The following SUCLG2 variants were observed in gnomAD, a reference collection of about 807,000 sequenced individuals.
The protein encoded by SUCLG2 is succinate-CoA ligase GDP-forming subunit beta, also known as succinate--CoA ligase [GDP-forming] subunit beta, mitochondrial.
SUCLG2 carries 42 observed loss-of-function variants against 47.9 expected under a neutral mutation model. The observed-to-expected ratio is 0.88, with a 90% confidence interval of 0.69 to 1.14. The LOEUF is 1.14. Among genes scored for constraint, SUCLG2 ranks in the 50% most tolerant of loss-of-function variants. SUCLG2 has a pLI of 0.00. For synonymous variants in SUCLG2, 195 were observed against 197.3 expected (o/e 0.99, Z 0.10); for missense variants, 571 against 525.9 (o/e 1.09, Z -0.84).
chr3:67,555,968 T>C (rs373924358), intron 2 of SUCLG2, among the ~76,000 whole-genome samples: 1 of 152,332 alleles, frequency 6.6e-6, no homozygotes, highest in Admixed American at 6.5e-5. Flanking sequence ...ATGGGACATA[T>C]ATAAACACTT....
At chr3:67,643,600 T>A (rs1369350837) in intron 1 of SUCLG2, among the ~76,000 whole-genome samples, 1 of 152,200 alleles carries the variant, frequency 6.6e-6, no homozygotes. Flanking sequence ...AGTGAGGACT[T>A]ACAGTATCCC....
chr3:67,431,507 G>C (rs1488191725), intron 9 of SUCLG2, among the ~76,000 whole-genome samples: 2 of 152,106 alleles, frequency 1.3e-5, no homozygotes, highest in African/African-American at 4.8e-5. Flanking sequence ...ATCAATGATA[G>C]ACTGGATTAA....
intron 1 of SUCLG2, among the ~76,000 whole-genome samples, chr3:67,634,719 G>T (rs73092614): frequency 6.6e-6 from 1 of 152,026 alleles, no homozygotes; most frequent in African/African-American, 2.4e-5. Context: ...TCTTTTCCCT[G>T]CCAAGTTCAT....
rs559649554 is a variant in SUCLG2 at position 67,563,878 on chromosome 3, G to A, written c.227-34692C>T. ...CAGGAGGCTGAGGCAGGAGAATGGC[G>A]TGAACCCGAGAGGCGAGCTTGCAGT... On this transcript the variant is annotated intron_variant, in intron 2 of 10. Coordinates refer to ENST00000307227, the MANE Select transcript of SUCLG2 (RefSeq NM_003848.4). 1.5e-3 allele frequency among the ~76,000 whole-genome samples: 223 copies of A among 150,710 alleles called. 1 individual carries two copies. The highest frequency in any genetic ancestry group is 5.1e-3 in the African/African-American group (207 of 40,964).
chr3:67,501,996 T>C (rs970781882), intron 7 of SUCLG2, among the ~76,000 whole-genome samples: 16 of 152,220 alleles, frequency 1.1e-4, no homozygotes, highest in Non-Finnish European at 1.9e-4. Context: ...TAGTAAATGA[T>C]GGGGCACAAG....
intron 2 of SUCLG2, among the ~76,000 whole-genome samples, chr3:67,571,120 AT>A (rs934914880): frequency 6.6e-6 from 1 of 152,174 alleles, no homozygotes; most frequent in Non-Finnish European, 1.5e-5. Context: ...ACAGGATGTA[AT>A]CCTAATTTAC....
intron 2 of SUCLG2, among the ~76,000 whole-genome samples, chr3:67,572,721 G>C (rs986503928): frequency 6.6e-6 from 1 of 152,078 alleles, no homozygotes; most frequent in African/African-American, 2.4e-5. Context: ...TACTTACTGG[G>C]AGAGAATTAA....
intron 10 of SUCLG2, among the ~76,000 whole-genome samples, chr3:67,368,508 CTTTAA>C (rs779515840): frequency 2.6e-5 from 4 of 151,994 alleles, no homozygotes; most frequent in Non-Finnish European, 5.9e-5. Context: ...CTCCTAGTTC[CTTTAA>C]TTTCTTTATT....
At chr3:67,493,991 G>A (rs1705267963) in intron 9 of SUCLG2, among the ~76,000 whole-genome samples, 1 of 152,148 alleles carries the variant, frequency 6.6e-6, no homozygotes, top group Non-Finnish European at 1.5e-5. Context: ...CGGCACTGGA[G>A]AACTGAAGAT....
intron 10 of SUCLG2, among the ~76,000 whole-genome samples, chr3:67,387,250 G>T (rs111896232): frequency 7.9e-5 from 12 of 152,030 alleles, no homozygotes; most frequent in African/African-American, 2.7e-4. Flanking sequence ...AAGCTACAAT[G>T]AAAAAAAATT....
chr3:67,397,592 G>C (rs1298954282), intron 10 of SUCLG2, among the ~76,000 whole-genome samples: 6 of 152,096 alleles, frequency 3.9e-5, no homozygotes. Flanking sequence ...TGGCCATACT[G>C]CCCAAGGTAA....
intron 1 of SUCLG2, among the ~76,000 whole-genome samples, chr3:67,652,242 C>A (rs1701299609): frequency 6.6e-6 from 1 of 151,216 alleles, no homozygotes. Context: ...AGGAGGTAGA[C>A]AAAATGTCAT....
At chr3:67,486,619 T>A (rs926959163) in intron 9 of SUCLG2, among the ~76,000 whole-genome samples, 1 of 152,210 alleles carries the variant, frequency 6.6e-6, no homozygotes, top group Admixed American at 6.5e-5. Context: ...TATTAACTCA[T>A]GCCGAATGAA....
intron 1 of SUCLG2, among the ~76,000 whole-genome samples, chr3:67,619,256 T>C (rs757453604): frequency 6.6e-6 from 1 of 152,178 alleles, no homozygotes; most frequent in Non-Finnish European, 1.5e-5. Flanking sequence ...TTGGAAAGCA[T>C]TACCTCGTGA....
At chr3:67,590,492 C>T (rs1224280574) in intron 2 of SUCLG2, among the ~76,000 whole-genome samples, 2 of 152,112 alleles carry the variant, frequency 1.3e-5, no homozygotes, top group African/African-American at 2.4e-5. Flanking sequence ...TCCTTGCAGA[C>T]GTGAGTGAGT....
chr3:67,493,549 T>A (rs1705255889), intron 9 of SUCLG2, among the ~76,000 whole-genome samples: 1 of 152,146 alleles, frequency 6.6e-6, no homozygotes, highest in South Asian at 2.1e-4. Context: ...TTTACAAAAT[T>A]AAAATTTGAG....
chr3:67,479,364 C>T (rs1704850084), intron 9 of SUCLG2, among the ~76,000 whole-genome samples: 1 of 151,864 alleles, frequency 6.6e-6, no homozygotes, highest in South Asian at 2.1e-4. Flanking sequence ...ATTCCTCATA[C>T]ATACCGAGGA....
intron 9 of SUCLG2, among the ~76,000 whole-genome samples, chr3:67,430,840 T>C (rs1361060846): frequency 2.0e-5 from 3 of 152,044 alleles, no homozygotes; most frequent in Non-Finnish European, 4.4e-5. Flanking sequence ...ACAAATAAAC[T>C]AGAAAATCTA....
At chr3:67,426,751 A>G (rs1381101331) in intron 9 of SUCLG2, among the ~76,000 whole-genome samples, 3 of 152,158 alleles carry the variant, frequency 2.0e-5, no homozygotes, top group Non-Finnish European at 4.4e-5. Flanking sequence ...AACATGGTGA[A>G]ACCCCATCTC....
Sources: allele counts gnomAD v4.1 joint callset (sites outside exome capture counted in the v4.1 genomes callset), GRCh38; gene constraint gnomAD v4.1.1; transcripts MANE v1.5; gene names NCBI Gene and HGNC (gene_info 2026-07-23, HGNC 2026-07-21).